Variants in PLCE1 observed in about 807,000 individuals in gnomAD.
PLCE1 encodes phospholipase C epsilon 1, also known as 1-phosphatidylinositol 4,5-bisphosphate phosphodiesterase epsilon-1.
In PLCE1, 119 loss-of-function variants were observed where a neutral mutation model predicts 242.8. The observed-to-expected ratio is 0.49, with a 90% CI of 0.42 to 0.57. PLCE1 has a LOEUF of 0.57. Ranked by LOEUF, PLCE1 falls within the 20% of genes least tolerant of loss-of-function variation. The pLI is 0.00. For missense variants in PLCE1, 2,441 were observed against 2,788.8 expected, an observed-to-expected ratio of 0.88 and a Z score of 2.81; for synonymous variants, 945 against 1,017.4, an observed-to-expected ratio of 0.93 and a Z score of 1.35.
At chr10:94,301,389 G>T (rs2053035486) in intron 24 of PLCE1, among the ~76,000 whole-genome samples, 1 of 151,836 alleles carries the variant, frequency 6.6e-6, no homozygotes, top group African/African-American at 2.4e-5. Flanking sequence ...TAGATAGATC[G>T]AATAGATCGA....
chr10:94,028,291 G>A (rs1161704114), intron 1 of PLCE1, among the ~76,000 whole-genome samples: 1 of 152,180 alleles, frequency 6.6e-6, no homozygotes, highest in Non-Finnish European at 1.5e-5. Context: ...ATCATCTAAA[G>A]CCTTGACTAT....
intron 26 of PLCE1, among the ~76,000 whole-genome samples, chr10:94,307,557 G>A (rs1411679556): frequency 6.6e-6 from 1 of 152,200 alleles, no homozygotes; most frequent in Non-Finnish European, 1.5e-5. Context: ...CCACAGAAAT[G>A]TATTTCCTCG....
intron 32 of PLCE1, 54 bp downstream of exon 32, chr10:94,325,158 T>C: frequency 8.1e-7 from 1 of 1,236,900 alleles, no homozygotes; most frequent in Non-Finnish European, 1.2e-6. Flanking sequence ...AACTACTTTG[T>C]AAGGAAGGCA....
chr10:94,007,575 CTTTTTTTTTTTT>C (rs57779697), intron 1 of PLCE1, among the ~76,000 whole-genome samples: 1 of 107,268 alleles, frequency 9.3e-6, no homozygotes, highest in Non-Finnish European at 1.8e-5. Context: ...TTCTCTCTCT[CTTTTTTTTTTTT>C]TTTTTTTTTG....
chr10:94,099,098 G>A (rs1392180286), intron 2 of PLCE1, among the ~76,000 whole-genome samples: 2 of 152,338 alleles, frequency 1.3e-5, no homozygotes, highest in East Asian at 3.9e-4. Flanking sequence ...TCAGTGTTGG[G>A]AAGTCAAGTA....
chr10:94,143,232 A>AT (rs1174671629), intron 3 of PLCE1, among the ~76,000 whole-genome samples: 1 of 152,164 alleles, frequency 6.6e-6, no homozygotes, highest in African/African-American at 2.4e-5. Context: ...TGCTGATATC[A>AT]TCTCTATTTT....
intron 2 of PLCE1, among the ~76,000 whole-genome samples, chr10:94,064,662 C>A (rs1030771984): frequency 1.3e-5 from 2 of 152,056 alleles, no homozygotes; most frequent in African/African-American, 4.8e-5. Context: ...AGCTTTCATC[C>A]GAAAATGAGG....
At chr10:94,062,333 T>A (rs2044076062) in intron 2 of PLCE1, among the ~76,000 whole-genome samples, 1 of 152,074 alleles carries the variant, frequency 6.6e-6, no homozygotes, top group South Asian at 2.1e-4. Context: ...CAGATTGGAG[T>A]GCAGTGGCTA....
chr10:94,063,296 T>G (rs919655235), intron 2 of PLCE1, among the ~76,000 whole-genome samples: 6 of 152,214 alleles, frequency 3.9e-5, no homozygotes, highest in African/African-American at 1.4e-4. Context: ...GAATTTTACT[T>G]TCTCGTCGCT....
chr10:94,293,069 AAAG>A (rs2133449140), intron 22 of PLCE1, among the ~76,000 whole-genome samples: 1 of 152,330 alleles, frequency 6.6e-6, no homozygotes, highest in African/African-American at 2.4e-5. Context: ...ACTGAGGACC[AAAG>A]AAGGAGGTGT....
intron 9 of PLCE1, among the ~76,000 whole-genome samples, chr10:94,253,153 A>G (rs2050940583): frequency 6.6e-6 from 1 of 152,194 alleles, no homozygotes; most frequent in Non-Finnish European, 1.5e-5. Context: ...GTGTTGCTAT[A>G]AAGAAATACT....
At chr10:94,124,306 A>G (rs906068312) in intron 2 of PLCE1, among the ~76,000 whole-genome samples, 5 of 149,982 alleles carry the variant, frequency 3.3e-5, no homozygotes, top group Admixed American at 3.3e-4. Flanking sequence ...TGAGCCCAAG[A>G]GGTCAAGGCT....
intron 2 of PLCE1, among the ~76,000 whole-genome samples, chr10:94,107,318 T>C (rs1353982987): frequency 1.3e-5 from 2 of 152,150 alleles, no homozygotes; most frequent in Non-Finnish European, 2.9e-5. Flanking sequence ...AAGACGTTGC[T>C]GAACTCCTCC....
intron 4 of PLCE1, among the ~76,000 whole-genome samples, chr10:94,216,821 G>A (rs986366592): frequency 6.6e-6 from 1 of 152,048 alleles, no homozygotes; most frequent in African/African-American, 2.4e-5. Context: ...AAGGGAATGC[G>A]ACTCGGCTGC....
At position 94,007,699 on chromosome 10, in the gene PLCE1, CTTT is replaced by C. The variant is rs80098906; in HGVS notation, c.-365+13460_-365+13462del. Among the ~76,000 whole-genome samples, 9 of 64,136 alleles carry C rather than the reference CTTT, an allele frequency of 1.4e-4. No individual in the cohort carries two copies. In the East Asian group the frequency reaches 3.5e-3, roughly 25 times the overall value. 42.1% of individuals were successfully genotyped at this position (64,136 alleles called of 152,430 possible). A position where few individuals can be genotyped will look rare whatever the true frequency, so the allele number is the denominator to read the frequency against. On this transcript the variant is annotated intron_variant, in intron 1 of 32. Coordinates refer to ENST00000371380, the MANE Select transcript of PLCE1 (RefSeq NM_016341.4). ...GTTAGTCCCCATCAAAGCCTACTTTCTTTTTTTTTTTTTTTTTTTTTGGAGTTA... is the reference window on the plus strand; with the variant it reads ...GTTAGTCCCCATCAAAGCCTACTTTCTTTTTTTTTTTTTTTTTTGGAGTTA...
In PLCE1 at chr10:94,132,167, T is replaced by C; in HGVS notation, c.1207-7T>C. 1 of 1,612,460 alleles carries C rather than the reference T, an allele frequency of 6.2e-7. No homozygotes were observed. Among genetic ancestry groups the C allele is most frequent in the South Asian group, 1.1e-5 (1 of 91,022 alleles). ...TTAATACTTCCTGTACTTTGTGCTA[T>C]TCACAGATCTACAATGCAGTGAGAA... On this transcript the variant is annotated splice_region_variant and splice_polypyrimidine_tract_variant and intron_variant, in intron 2 of 32. Coordinates refer to ENST00000371380, the MANE Select transcript of PLCE1 (RefSeq NM_016341.4).
At chr10:94,322,185 G>A in intron 30 of PLCE1, 126 bp downstream of exon 30, 1 of 893,752 alleles carries the variant, frequency 1.1e-6, no homozygotes, top group Non-Finnish European at 1.8e-6. Flanking sequence ...AAAGGGGAGT[G>A]TGTGCCTCTT....
intron 2 of PLCE1, among the ~76,000 whole-genome samples, chr10:94,089,552 T>G (rs1372206022): frequency 3.9e-5 from 6 of 152,238 alleles, no homozygotes; most frequent in African/African-American, 1.4e-4. Context: ...CTAAAATGTT[T>G]TAACCTAAAA....
intron 2 of PLCE1, among the ~76,000 whole-genome samples, chr10:94,095,968 T>A (rs2045292293): frequency 6.6e-6 from 1 of 152,150 alleles, no homozygotes; most frequent in Non-Finnish European, 1.5e-5. Flanking sequence ...ACAAGGCAGA[T>A]CTGGAGTTGA....
Sources: gnomAD v4.1 joint callset for allele counts (sites outside exome capture counted in the v4.1 genomes callset) on GRCh38, gnomAD v4.1.1 for gene constraint, MANE v1.5 for transcripts, NCBI Gene and HGNC (gene_info 2026-07-23, HGNC 2026-07-21) for gene names.